SIDT2: variants seen among roughly 807,000 people sequenced by gnomAD.
SIDT2 encodes SID1 transmembrane family member 2.
Under a neutral mutation model 114.4 loss-of-function variants are expected in SIDT2, and 68 were observed. That is an observed-to-expected ratio of 0.59 (90% CI 0.49 to 0.73). SIDT2 has a LOEUF of 0.73. Among genes scored for constraint, SIDT2 ranks in the 30% least tolerant of loss-of-function variants. SIDT2 has a pLI of 0.00. For missense variants in SIDT2, 918 were observed against 1,097.1 expected, an observed-to-expected ratio of 0.84 and a Z score of 2.31; for synonymous variants, 470 against 438.4, an observed-to-expected ratio of 1.07 and a Z score of -0.90.
At position 117,190,589 on chromosome 11, in the gene SIDT2, C is replaced by T. The variant is rs1180661199; in HGVS notation, c.1618-34C>T. ...CCCTTCTTCCCTTCCTGCCTCACTT[C>T]CTCCCTCCCTTCCCTTCTCTCTCTC... is the stretch of plus-strand genomic sequence containing the variant. On this transcript the variant is annotated intron_variant, in intron 17 of 25. Transcript: ENST00000324225. The surrounding 1 kb of genome is among the most constrained non-coding windows in gnomAD (Gnocchi z 4.1). The T allele has an allele frequency of 2.6e-6, 4 of 1,517,136 alleles. No individual in the cohort carries two copies. The highest frequency in any genetic ancestry group is 3.6e-6 in the Non-Finnish European group (4 of 1,113,754). 94.0% of individuals were successfully genotyped at this position (1,517,136 alleles called of 1,614,324 possible).
At chr11:117,180,180 C>G (rs954169867) in intron 1 of SIDT2, among the ~76,000 whole-genome samples, 1 of 152,170 alleles carries the variant, frequency 6.6e-6, no homozygotes, top group African/African-American at 2.4e-5. Flanking sequence ...GTCTCTTGCT[C>G]TCTCTCCATG....
intron 8 of SIDT2, among the ~76,000 whole-genome samples, chr11:117,184,648 C>A (rs953886829): frequency 6.6e-6 from 1 of 152,138 alleles, no homozygotes; most frequent in Non-Finnish European, 1.5e-5. Flanking sequence ...GTACCAGGCC[C>A]CTACTCAGTG....
chr11:117,195,196 T>C (rs1242471548), intron 24 of SIDT2, among the ~76,000 whole-genome samples: 3 of 145,944 alleles, frequency 2.1e-5, no homozygotes, highest in African/African-American at 5.1e-5. Flanking sequence ...TGGAGGTCAG[T>C]GAATGCACTC....
Position 117,196,146 on chromosome 11 carries a change from G to C in SIDT2, c.*80G>C. ...AGACCGGTCACTCTGTCGTGCTGTGGGGATGAGTCCCAGCACCGCTGCCCA... is the reference window on the plus strand; with the variant it reads ...AGACCGGTCACTCTGTCGTGCTGTGCGGATGAGTCCCAGCACCGCTGCCCA... On this transcript the variant is annotated 3_prime_UTR_variant, in exon 26 of 26. Transcript: ENST00000324225. The surrounding 1 kb of genome is among the most constrained non-coding windows in gnomAD (Gnocchi z 4.9). 1 of 1,580,106 alleles carries C rather than the reference G, an allele frequency of 6.3e-7. No homozygotes were observed. Among genetic ancestry groups the C allele is most frequent in the Non-Finnish European group, 8.7e-7 (1 of 1,154,868 alleles).
rs766260339 is a variant in SIDT2, at chr11:117,188,803, G to A, written c.1255G>A (p.Asp419Asn). The change falls in exon 13 of 26, where the codon GAC becomes AAC. Residue 419 changes from aspartate to asparagine, a missense_variant. Around this residue, in one of 4 missense-constraint regions of SIDT2, gnomAD observed 553 missense variants for 600.1 expected, o/e 0.92. Transcript: ENST00000324225. This position sits in a 1 kb window ranked among gnomAD's most constrained non-coding sequence, Gnocchi z 4.0. Reference protein sequence around the residue: ...DYDTLTDIDSDKNVIRTKQYL... With the variant: ...DYDTLTDIDSNKNVIRTKQYL... ...CGACACATTGACCGACATCGATTCC[G>A]ACAAGAATGTCATTCGCACCAAGGT... is the stretch of plus-strand genomic sequence containing the variant. The A allele has an allele frequency of 2.5e-6, 4 of 1,614,042 alleles. No homozygotes were observed. The highest frequency in any genetic ancestry group is 1.1e-5 in the South Asian group (1 of 91,092).
chr11:117,193,188 T>C lies in SIDT2; in HGVS notation c.2141T>C (p.Phe714Ser). ...AYGLIMRPND[F>S]ASYLLAIGIC... is the part of the protein sequence containing the mutation. ...GGGCTTATCATGCGCCCCAATGATTTCGCTTCCTACTTGTTGGCCATTGGC... is the reference window on the plus strand; with the variant it reads ...GGGCTTATCATGCGCCCCAATGATTCCGCTTCCTACTTGTTGGCCATTGGC... Residue 714 changes from phenylalanine to serine, a missense_variant, in exon 23 of 26, where the codon TTC becomes TCC. Transcript: ENST00000324225. 1 of 1,614,172 alleles carries C rather than the reference T, an allele frequency of 6.2e-7. No homozygotes were observed. The highest frequency in any genetic ancestry group is 8.5e-7 in the Non-Finnish European group (1 of 1,180,020).
chr11:117,193,687 G>A (rs1222457320), intron 23 of SIDT2, among the ~76,000 whole-genome samples, 166 bp from the exon 24 acceptor site: 1 of 152,154 alleles, frequency 6.6e-6, no homozygotes. Context: ...ACATCGGGGT[G>A]GGGGCAGGTT....
At chr11:117,184,042 A>C (rs1234940887) in intron 7 of SIDT2, 32 bp from the exon 8 acceptor site, 1 of 1,613,402 alleles carries the variant, frequency 6.2e-7, no homozygotes, top group African/African-American at 1.3e-5. Flanking sequence ...GCTCCAGGCA[A>C]CTAGTTTACC....
Position 117,185,051 on chromosome 11 carries a change from T to C in SIDT2, c.868+912T>C, listed in dbSNP as rs867453603. 9.8e-4 allele frequency among the ~76,000 whole-genome samples: 139 copies of C among 141,630 alleles called. No homozygotes were observed. In the Middle Eastern group the frequency reaches 0.012, roughly 12 times the overall value. The allele number at this position is 141,630 out of a possible 152,430, so 92.9% of individuals were successfully genotyped here. A position where few individuals can be genotyped will look rare whatever the true frequency, so the allele number is the denominator to read the frequency against. On this transcript the variant is annotated intron_variant, in intron 8 of 25. Transcript: ENST00000324225. ...AGAGGGTGCCTCTCTCTCTCTCTCT[T>C]TTTTTTTTTTTTTTCCGAGATGGAG...
chr11:117,192,090 C>A lies in SIDT2; in HGVS notation c.1872+76C>A. 6.3e-7 allele frequency: 1 copy of A among 1,591,314 alleles called. No homozygotes were observed. ...TGCGTTCAGACACGTAGTGCACACC[C>A]TCCGCCACCTCCTGCATGAGAGATT... On this transcript the variant is annotated intron_variant, in intron 19 of 25. Coordinates refer to ENST00000324225, the MANE Select transcript of SIDT2 (RefSeq NM_001040455.2). The surrounding 1 kb of genome is among the most constrained non-coding windows in gnomAD (Gnocchi z 5.9).
chr11:117,190,149 T>G lies in SIDT2; in HGVS notation c.1494-17T>G. 6.3e-7 allele frequency: 1 copy of G among 1,595,548 alleles called. No homozygotes were observed. On this transcript the variant is annotated splice_polypyrimidine_tract_variant and intron_variant, in intron 16 of 25. Transcript: ENST00000324225. This position sits in a 1 kb window ranked among gnomAD's most constrained non-coding sequence, Gnocchi z 4.1. The stretch of plus-strand genomic sequence containing the variant: ...GGTGTGAGTCCCAAGCAGTCTGCCT[T>G]GTGTTGCCCCTTCTAGCGCCTTCAA...
At chr11:117,187,892 G>C in intron 12 of SIDT2, 193 bp downstream of exon 12, 1 of 704,648 alleles carries the variant, frequency 1.4e-6, no homozygotes. Flanking sequence ...TCCTTTGAAG[G>C]GCACGACCAG....
rs1203488761 is a variant in SIDT2 at position 117,181,530 on chromosome 11, C to T, written c.298C>T (p.Arg100Ter). 3 of 1,613,812 alleles carry T rather than the reference C, an allele frequency of 1.9e-6. No homozygotes were observed. Among genetic ancestry groups the T allele is most frequent in the Admixed American group, 3.3e-5 (2 of 59,978 alleles). ...VVSFQVPLIL[R>*]GMFQRKYLYQ... ...GTCCTTCCAGGTGCCCCTAATCCTG[C>T]GAGGGATGTGAGTAGGATCTGGGCA... Residue 100 changes from arginine to a stop codon, truncating the protein, a stop_gained, in exon 2 of 26, where the codon CGA becomes TGA. Transcript: ENST00000324225. LOFTEE classifies it high-confidence loss of function.
rs761117252 is a variant in SIDT2 at position 117,182,826 on chromosome 11, A to AC, written c.702+21dup. 26 of 1,609,828 alleles carry AC rather than the reference A, an allele frequency of 1.6e-5. No individual in the cohort carries two copies. In the African/African-American group the frequency reaches 3.2e-4, roughly 20 times the overall value. On this transcript the variant is annotated intron_variant, in intron 6 of 25. Coordinates refer to ENST00000324225, the MANE Select transcript of SIDT2 (RefSeq NM_001040455.2). ...GTACAGGTAGGAAATGCATGTGGCC[A>AC]CGTGGGAGGTGTGGCTGGGCGATAA...
Position 117,186,273 on chromosome 11 carries a change from G to T in SIDT2, c.962+50G>T. ...CCTGGTCTGGGTGGTTTGGGCAGGT[G>T]TGTGGGGCAGATCACCTGGCAGGAT... On this transcript the variant is annotated intron_variant, in intron 9 of 25. Transcript: ENST00000324225. The T allele has an allele frequency of 2.6e-6, 4 of 1,518,644 alleles. No individual in the cohort carries two copies. In the Admixed American group the frequency reaches 6.7e-5, roughly 25 times the overall value. The allele number at this position is 1,518,644 out of a possible 1,614,324, so 94.1% of individuals were successfully genotyped here.
intron 8 of SIDT2, among the ~76,000 whole-genome samples, chr11:117,184,370 T>A (rs2030416148): frequency 6.6e-6 from 1 of 152,214 alleles, no homozygotes; most frequent in Non-Finnish European, 1.5e-5. Flanking sequence ...TGAGGTCCAG[T>A]TCACTTTCTG....
rs946547567 is a variant in SIDT2, at chr11:117,188,553, A to G, written c.1160-155A>G. On this transcript the variant is annotated intron_variant, in intron 12 of 25. Coordinates refer to ENST00000324225, the MANE Select transcript of SIDT2 (RefSeq NM_001040455.2). The surrounding 1 kb of genome is among the most constrained non-coding windows in gnomAD (Gnocchi z 4.0). ...TTAGGAGCACCTGATGTCTCCTCCC[A>G]GCTCCTGAGCCCACTTCCACCCCAA... 7.9e-5 allele frequency: 50 copies of G among 635,084 alleles called. No homozygotes were observed. The Admixed American group carries it at 1.2e-3, about 15-fold the overall frequency. 39.3% of individuals were successfully genotyped at this position (635,084 alleles called of 1,614,324 possible).
In SIDT2 at chr11:117,191,904, G is replaced by A. The variant is rs2134258722; in HGVS notation, c.1762G>A (p.Gly588Arg). The change falls in exon 19 of 26, where the codon GGA becomes AGA. Residue 588 changes from glycine to arginine, a missense_variant. Physicochemically the swap from Gly to Arg is moderately radical, Grantham distance 125. Coordinates refer to ENST00000324225, the MANE Select transcript of SIDT2 (RefSeq NM_001040455.2). ...FDTSFMYMIA[G>R]LCMLKLYQKR... Reference sequence around the variant, plus strand: ...CACATCGTTCATGTACATGATCGCCGGACTCTGCATGCTGAAGCTCTACCA... The same window carrying A: ...CACATCGTTCATGTACATGATCGCCAGACTCTGCATGCTGAAGCTCTACCA... The A allele has an allele frequency of 5.6e-6, 9 of 1,614,062 alleles. No individual in the cohort carries two copies. Among genetic ancestry groups the A allele is most frequent in the African/African-American group, 1.3e-5 (1 of 74,998 alleles).
rs764130974 is a variant in SIDT2, at chr11:117,184,150, C to T, written c.868+11C>T. 2 of 1,612,928 alleles carry T rather than the reference C, an allele frequency of 1.2e-6. No homozygotes were observed. The highest frequency in any genetic ancestry group is 1.1e-5 in the South Asian group (1 of 90,976). ...CTCAAGCAGTCACGTGTGAGTGCTG[C>T]AGGTGGCTGAGAGGGGATGGACAAG... is the stretch of plus-strand genomic sequence containing the variant. On this transcript the variant is annotated intron_variant, in intron 8 of 25. Coordinates refer to ENST00000324225, the MANE Select transcript of SIDT2 (RefSeq NM_001040455.2).
Sources: allele counts gnomAD v4.1 joint callset (sites outside exome capture counted in the v4.1 genomes callset), GRCh38; gene constraint gnomAD v4.1.1; regional missense constraint gnomAD v4.1.1; non-coding constraint Gnocchi (gnomAD v3.1); transcripts MANE v1.5; gene names NCBI Gene and HGNC (gene_info 2026-07-23, HGNC 2026-07-21).